GRIA4: variants seen among roughly 807,000 people sequenced by gnomAD.
GRIA4 encodes glutamate ionotropic receptor AMPA type subunit 4, also known as glutamate receptor 4.
GRIA4 carries 34 observed loss-of-function variants against 104.0 expected under a neutral mutation model. That is an observed-to-expected ratio of 0.33 (90% CI 0.25 to 0.44). The LOEUF (loss-of-function observed/expected upper bound fraction) is 0.44. Among genes scored for constraint, GRIA4 ranks in the 20% least tolerant of loss-of-function variants. The pLI is 1.00. For missense variants in GRIA4, 750 were observed against 1,096.5 expected (o/e 0.68, Z 4.46); for synonymous variants, 386 against 381.9 (o/e 1.01, Z -0.13).
At chr11:105,932,718 T>G (rs911720955) in intron 13 of GRIA4, among the ~76,000 whole-genome samples, 1 of 152,150 alleles carries the variant, frequency 6.6e-6, no homozygotes, top group Non-Finnish European at 1.5e-5. Context: ...ATCACTTCTC[T>G]TTAAAGTTCA....
intron 3 of GRIA4, among the ~76,000 whole-genome samples, chr11:105,690,804 A>T (rs1033619151): frequency 6.6e-6 from 1 of 151,928 alleles, no homozygotes; most frequent in African/African-American, 2.4e-5. Context: ...TTTTTTTTTT[A>T]AATTCACATT....
At chr11:105,844,641 T>G (rs988158456) in intron 4 of GRIA4, among the ~76,000 whole-genome samples, 3 of 152,228 alleles carry the variant, frequency 2.0e-5, no homozygotes, top group Non-Finnish European at 2.9e-5. Flanking sequence ...GAAAATATGT[T>G]AAGAATTATT....
intron 11 of GRIA4, among the ~76,000 whole-genome samples, chr11:105,919,503 C>G (rs991425845): frequency 2.6e-5 from 4 of 152,044 alleles, no homozygotes; most frequent in African/African-American, 9.7e-5. Flanking sequence ...GTATACATAG[C>G]AAAACACAAA....
chr11:105,929,328 C>CA (rs1565348636), intron 13 of GRIA4, among the ~76,000 whole-genome samples: 2 of 151,856 alleles, frequency 1.3e-5, no homozygotes, highest in Non-Finnish European at 2.9e-5. Context: ...CTCAGTGCTT[C>CA]AAAAAAATGC....
chr11:105,921,490 G>A (rs1388812364), intron 11 of GRIA4, among the ~76,000 whole-genome samples: 4 of 152,106 alleles, frequency 2.6e-5, no homozygotes, highest in African/African-American at 9.7e-5. Flanking sequence ...CCCCGATGTT[G>A]GCAGAGGAAG....
intron 3 of GRIA4, among the ~76,000 whole-genome samples, chr11:105,744,564 C>A (rs1277685781): frequency 6.6e-6 from 1 of 152,016 alleles, no homozygotes; most frequent in Non-Finnish European, 1.5e-5. Flanking sequence ...GGAATACATA[C>A]CTCACCTCAA....
At chr11:105,871,977 C>G (rs1009283754) in intron 5 of GRIA4, among the ~76,000 whole-genome samples, 3 of 151,968 alleles carry the variant, frequency 2.0e-5, no homozygotes, top group African/African-American at 7.2e-5. Flanking sequence ...AACATAAAGT[C>G]AGAAATGTAT....
intron 3 of GRIA4, among the ~76,000 whole-genome samples, chr11:105,648,560 A>C (rs1951596724): frequency 1.3e-5 from 2 of 151,842 alleles, no homozygotes; most frequent in Non-Finnish European, 2.9e-5. Context: ...CAAAAAGAAA[A>C]AAATTTGCAA....
At chr11:105,724,438 A>G (rs1052576960) in intron 3 of GRIA4, among the ~76,000 whole-genome samples, 1 of 151,588 alleles carries the variant, frequency 6.6e-6, no homozygotes, top group Admixed American at 6.6e-5. Flanking sequence ...TTGGAATACT[A>G]TTCAGCCATG....
intron 4 of GRIA4, among the ~76,000 whole-genome samples, chr11:105,770,466 G>A (rs2135741163): frequency 6.6e-6 from 1 of 152,056 alleles, no homozygotes; most frequent in South Asian, 2.1e-4. Context: ...AACTTTCTCA[G>A]CCTTCCACTT....
chr11:105,911,775 A>AATATATATATATATAT lies in GRIA4; in HGVS notation c.1269+1249_1269+1264dup, dbSNP rs60005308. Reference sequence around the variant, plus strand: ...AATATTTGCATGGGACTTGAAAAGCAATATATATATATATATATATATATA... The same window carrying AATATATATATATATAT: ...AATATTTGCATGGGACTTGAAAAGCAATATATATATATATATATATATATATATATATATATATATA... On this transcript the variant is annotated intron_variant, in intron 10 of 16. Coordinates refer to ENST00000282499, the MANE Select transcript of GRIA4 (RefSeq NM_000829.4). 259 of 74,594 alleles carry AATATATATATATATAT rather than the reference A, an allele frequency of 3.5e-3. 21 individuals are homozygous for AATATATATATATATAT. Among genetic ancestry groups the AATATATATATATATAT allele is most frequent in the African/African-American group, 8.4e-3 (122 of 14,482 alleles). The allele number at this position is 74,594 out of a possible 1,614,324, so 4.6% of individuals were successfully genotyped here.
chr11:105,914,066 T>C (rs944493991), intron 10 of GRIA4, among the ~76,000 whole-genome samples: 6 of 151,832 alleles, frequency 4.0e-5, no homozygotes, highest in Non-Finnish European at 8.8e-5. Context: ...ATGTATTATA[T>C]ATATATACAG....
intron 14 of GRIA4, among the ~76,000 whole-genome samples, chr11:105,953,978 T>A (rs574872796): frequency 6.6e-6 from 1 of 152,316 alleles, no homozygotes; most frequent in Admixed American, 6.5e-5. Context: ...TTCATTTAAT[T>A]CAGCCTAAGG....
intron 3 of GRIA4, among the ~76,000 whole-genome samples, chr11:105,683,936 G>A (rs982105141): frequency 6.6e-6 from 1 of 151,774 alleles, no homozygotes; most frequent in African/African-American, 2.4e-5. Context: ...GTGCAATGGC[G>A]CCATCTCGGC....
chr11:105,808,427 C>T (rs1591289042), intron 4 of GRIA4, among the ~76,000 whole-genome samples: 1 of 151,992 alleles, frequency 6.6e-6, no homozygotes, highest in African/African-American at 2.4e-5. Context: ...TCAATTTGCA[C>T]TGGGAAGTTA....
intron 4 of GRIA4, among the ~76,000 whole-genome samples, chr11:105,756,075 A>G (rs1039486383): frequency 6.6e-6 from 1 of 152,164 alleles, no homozygotes; most frequent in African/African-American, 2.4e-5. Flanking sequence ...ATGTATCTGT[A>G]TATATTCTAT....
chr11:105,625,860 TCA>T (rs1384374859), intron 3 of GRIA4, among the ~76,000 whole-genome samples: 1 of 152,134 alleles, frequency 6.6e-6, no homozygotes, highest in Non-Finnish European at 1.5e-5. Flanking sequence ...TTTTAAAAAT[TCA>T]CAGTTAGAAA....
chr11:105,966,044 G>C (rs753355881), intron 14 of GRIA4: 3 of 1,611,300 alleles, frequency 1.9e-6, no homozygotes, highest in East Asian at 4.5e-5. Context: ...ATGTGGCAGC[G>C]GGGGAGGTGA....
At chr11:105,755,396 T>A (rs1273714175) in intron 4 of GRIA4, among the ~76,000 whole-genome samples, 3 of 152,112 alleles carry the variant, frequency 2.0e-5, no homozygotes, top group African/African-American at 7.2e-5. Context: ...TTCTTTTGGG[T>A]TCTCAACTCC....
Sources: gnomAD v4.1 joint callset for allele counts (sites outside exome capture counted in the v4.1 genomes callset) on GRCh38, gnomAD v4.1.1 for gene constraint, MANE v1.5 for transcripts, NCBI Gene and HGNC (gene_info 2026-07-23, HGNC 2026-07-21) for gene names.